Variants in NBAS observed in about 807,000 individuals in gnomAD.
NBAS encodes the protein NBAS subunit of NRZ tethering complex.
NBAS carries 219 observed loss-of-function variants against 302.5 expected under a neutral mutation model. That is an observed-to-expected ratio of 0.72 (90% CI 0.65 to 0.81). The LOEUF (loss-of-function observed/expected upper bound fraction) is 0.81. Ranked by LOEUF, NBAS falls within the 30% of genes least tolerant of loss-of-function variation. The pLI, the probability that NBAS is intolerant of heterozygous loss-of-function variation, is 0.00. For synonymous variants in NBAS, 1,118 were observed against 1,021.6 expected, an observed-to-expected ratio of 1.09 and a Z score of -1.80; for missense variants, 2,932 against 2,841.6, an observed-to-expected ratio of 1.03 and a Z score of -0.72.
the NBAS span, among the ~76,000 whole-genome samples, chr2:14,834,269 C>A: frequency 6.6e-6 from 1 of 152,054 alleles, no homozygotes; most frequent in South Asian, 2.1e-4. Flanking sequence ...AACATAAAGC[C>A]GAAATTTATA....
At chr2:15,483,867 A>G (rs1325463858) in intron 12 of NBAS, among the ~76,000 whole-genome samples, 1 of 152,234 alleles carries the variant, frequency 6.6e-6, no homozygotes, top group East Asian at 1.9e-4. Flanking sequence ...CTTCTCAGAC[A>G]ACATTTAAAC....
chr2:15,374,997 A>G (rs1420258459), intron 30 of NBAS, among the ~76,000 whole-genome samples: 1 of 152,170 alleles, frequency 6.6e-6, no homozygotes, highest in Non-Finnish European at 1.5e-5. Flanking sequence ...TCATGGTAGG[A>G]AGCATCATAA....
intron 12 of NBAS, among the ~76,000 whole-genome samples, chr2:15,486,291 A>G (rs1680625471): frequency 6.6e-6 from 1 of 152,250 alleles, no homozygotes; most frequent in African/African-American, 2.4e-5. Context: ...TTCAAGGGAA[A>G]TAATTCATAC....
At chr2:15,125,258 G>T in the NBAS span, among the ~76,000 whole-genome samples, 1 of 152,168 alleles carries the variant, frequency 6.6e-6, no homozygotes, top group Non-Finnish European at 1.5e-5. Flanking sequence ...AGTTCTGCAG[G>T]CTATACCAGA....
intron 38 of NBAS, among the ~76,000 whole-genome samples, chr2:15,318,781 C>T (rs1297396750): frequency 2.0e-5 from 3 of 152,164 alleles, no homozygotes; most frequent in Non-Finnish European, 2.9e-5. Context: ...GAGACTTAGA[C>T]TCCCACACAC....
In NBAS at chr2:15,326,946, A is replaced by G. The variant is rs184661992; in HGVS notation, c.4582+804T>C. Among the ~76,000 whole-genome samples, 293 of 152,260 alleles carry G rather than the reference A, an allele frequency of 1.9e-3. 1 individual carries two copies. The highest frequency in any genetic ancestry group is 6.8e-3 in the African/African-American group (282 of 41,564). On this transcript the variant is annotated intron_variant, in intron 38 of 51. Coordinates refer to ENST00000281513, the MANE Select transcript of NBAS (RefSeq NM_015909.4). ...GCTTTTGGGGGGAATTAGCAGTTCT[A>G]TTCCCTGTATGCATTTTCCCAAATT...
chr2:15,253,849 G>A (rs1203670313), intron 44 of NBAS, among the ~76,000 whole-genome samples: 1 of 152,132 alleles, frequency 6.6e-6, no homozygotes, highest in Non-Finnish European at 1.5e-5. Context: ...AGAAAATTAT[G>A]GCAGTGGGGG....
chr2:15,428,852 G>C (rs1392917845), intron 21 of NBAS, among the ~76,000 whole-genome samples: 3 of 151,996 alleles, frequency 2.0e-5, no homozygotes, highest in Non-Finnish European at 4.4e-5. Context: ...GACCATCCTA[G>C]CTAACACAGT....
the NBAS span, among the ~76,000 whole-genome samples, chr2:15,155,598 T>C: frequency 6.6e-6 from 1 of 152,178 alleles, no homozygotes; most frequent in Non-Finnish European, 1.5e-5. Context: ...CACCCTTCTT[T>C]TGACTTCAGG....
At chr2:15,289,303 T>C (rs1670197473) in intron 41 of NBAS, among the ~76,000 whole-genome samples, 1 of 152,216 alleles carries the variant, frequency 6.6e-6, no homozygotes, top group African/African-American at 2.4e-5. Context: ...GGTCTTGCTA[T>C]GTTGCCAGGG....
At chr2:15,458,904 A>G (rs1470906787) in intron 21 of NBAS, among the ~76,000 whole-genome samples, 2 of 152,210 alleles carry the variant, frequency 1.3e-5, no homozygotes, top group Non-Finnish European at 2.9e-5. Context: ...ATAAGAAATC[A>G]GTCTCTTCAA....
At chr2:15,082,697 C>T in the NBAS span, among the ~76,000 whole-genome samples, 3 of 152,218 alleles carry the variant, frequency 2.0e-5, no homozygotes, top group Admixed American at 6.5e-5. Flanking sequence ...CTGGACCCAA[C>T]AGCTCACTTC....
intron 21 of NBAS, among the ~76,000 whole-genome samples, chr2:15,459,362 G>T (rs2148556109): frequency 6.6e-6 from 1 of 152,162 alleles, no homozygotes. Context: ...GATTTATTCT[G>T]CAAAGAGATA....
the NBAS span, among the ~76,000 whole-genome samples, chr2:15,160,997 T>C: frequency 0.33 from 49,985 of 152,036 alleles, 8,417 homozygotes; most frequent in Middle Eastern, 0.38. Context: ...ATGCTGCCTC[T>C]CTGGCTGTGG....
At chr2:14,952,296 C>T in the NBAS span, among the ~76,000 whole-genome samples, 1 of 152,172 alleles carries the variant, frequency 6.6e-6, no homozygotes, top group Non-Finnish European at 1.5e-5. Flanking sequence ...GTAGAAGAGC[C>T]CCAAAGGCTT....
chr2:15,184,436 C>T (rs1004393820), intron 50 of NBAS, among the ~76,000 whole-genome samples: 12 of 151,782 alleles, frequency 7.9e-5, no homozygotes, highest in African/African-American at 2.9e-4. Flanking sequence ...AGCTTGTTTT[C>T]CTGCAACTAG....
rs767634529 is a variant in NBAS at position 15,383,321 on chromosome 2, G to GA, written c.3258-5dup. ...AGACTCACTGACAGGAGGCTGCCTG[G>GA]AAAAACACATAAAAAAGACAAGGAA... is the stretch of plus-strand genomic sequence containing the variant. On this transcript the variant is annotated splice_region_variant and splice_polypyrimidine_tract_variant and intron_variant, in intron 28 of 51. Coordinates refer to ENST00000281513, the MANE Select transcript of NBAS (RefSeq NM_015909.4). 171 of 1,609,872 alleles carry GA rather than the reference G, an allele frequency of 1.1e-4. No homozygotes were observed. Among genetic ancestry groups the GA allele is most frequent in the Admixed American group, 5.0e-4 (30 of 59,992 alleles).
chr2:15,112,444 T>C, the NBAS span, among the ~76,000 whole-genome samples: 2 of 152,040 alleles, frequency 1.3e-5, no homozygotes, highest in African/African-American at 4.8e-5. Context: ...ATACGTATAA[T>C]GGGAGACATC....
intron 9 of NBAS, among the ~76,000 whole-genome samples, chr2:15,516,763 C>A: frequency 6.8e-6 from 1 of 147,592 alleles, no homozygotes; most frequent in South Asian, 2.2e-4. Flanking sequence ...AAGTTATTTA[C>A]AACACACAGA....
Sources: allele counts gnomAD v4.1 joint callset (sites outside exome capture counted in the v4.1 genomes callset), GRCh38; gene constraint gnomAD v4.1.1; transcripts MANE v1.5; gene names NCBI Gene and HGNC (gene_info 2026-07-23, HGNC 2026-07-21).